RSPO4: variants seen among roughly 807,000 people sequenced by gnomAD.
RSPO4 encodes R-spondin 4.
In RSPO4, 23 loss-of-function variants were observed where a neutral mutation model predicts 24.8. The observed-to-expected ratio is 0.93, with a 90% CI of 0.67 to 1.31. The LOEUF is 1.31. Ranked by LOEUF, RSPO4 falls within the 40% of genes most tolerant of loss-of-function variation. The pLI, the probability that RSPO4 is intolerant of heterozygous loss-of-function variation, is 0.00. For synonymous variants in RSPO4, 141 were observed against 127.4 expected (o/e 1.11, Z -0.72); for missense variants, 333 against 316.5 (o/e 1.05, Z -0.39).
rs1395425851 is a variant in RSPO4 at position 981,272 on chromosome 20, C to A, written c.80-13134G>T. Among the ~76,000 whole-genome samples the A allele has an allele frequency of 6.6e-6, 1 of 152,218 alleles. No homozygotes were observed. Among genetic ancestry groups the A allele is most frequent in the African/African-American group, 2.4e-5 (1 of 41,452 alleles). On this transcript the variant is annotated intron_variant, in intron 1 of 4. Coordinates refer to ENST00000217260, the MANE Select transcript of RSPO4 (RefSeq NM_001029871.4). This position sits in a 1 kb window ranked among gnomAD's most constrained non-coding sequence, Gnocchi z 4.6. ...AGGCACAGTGGCTCACGCCTGTAAT[C>A]CCAGCACTTAGGGAGGCTGAGGCAG...
intron 1 of RSPO4, among the ~76,000 whole-genome samples, chr20:987,925 G>C (rs963178371): frequency 2.0e-5 from 3 of 152,274 alleles, no homozygotes; most frequent in Admixed American, 6.5e-5. Context: ...GAATGAGACA[G>C]ACCTTCCCCT....
At chr20:997,169 A>C (rs957233553) in intron 1 of RSPO4, among the ~76,000 whole-genome samples, 13 of 152,200 alleles carry the variant, frequency 8.5e-5, no homozygotes, top group African/African-American at 2.9e-4. Flanking sequence ...CCCCACCTGC[A>C]CAGCTCCTGG....
rs377200892 is a variant in RSPO4, at chr20:960,421, C to A, written c.641G>T (p.Arg214Leu). 6 of 1,539,614 alleles carry A rather than the reference C, an allele frequency of 3.9e-6. No individual in the cohort carries two copies. The highest frequency in any genetic ancestry group is 5.2e-6 in the Non-Finnish European group (6 of 1,147,526). Reference sequence around the variant, plus strand: ...CCTGCGGTCCAGCTTCCTGTCCTTGCGTGGGCGCCGGTCCTTCCTGCCCTT... The same window carrying A: ...CCTGCGGTCCAGCTTCCTGTCCTTGAGTGGGCGCCGGTCCTTCCTGCCCTT... ...QKKGRKDRRP[R>L]KDRKLDRRLD... Residue 214 changes from arginine (R) to leucine (L), a missense_variant, in exon 5 of 5, where the codon CGC becomes CTC. By Grantham distance (102) the Arg-to-Leu change is moderately radical (BLOSUM62 -2). Transcript: ENST00000217260.
intron 3 of RSPO4, among the ~76,000 whole-genome samples, chr20:965,409 G>A (rs1266678443): frequency 1.3e-5 from 2 of 152,206 alleles, no homozygotes; most frequent in African/African-American, 4.8e-5. Context: ...AAAATGATGG[G>A]GGTGGAAAGG....
chr20:995,025 C>T (rs573626834), intron 1 of RSPO4, among the ~76,000 whole-genome samples: 2 of 152,322 alleles, frequency 1.3e-5, no homozygotes, highest in East Asian at 1.9e-4. Flanking sequence ...TTGCCTTCAC[C>T]GCTAGTCTCC....
At chr20:971,013 T>C (rs1984388656) in intron 1 of RSPO4, among the ~76,000 whole-genome samples, 2 of 152,158 alleles carry the variant, frequency 1.3e-5, no homozygotes, top group Non-Finnish European at 2.9e-5. Flanking sequence ...AAGATAATTT[T>C]TTAAAAACTT....
At chr20:982,836 G>A (rs1984783019) in intron 1 of RSPO4, among the ~76,000 whole-genome samples, 1 of 152,218 alleles carries the variant, frequency 6.6e-6, no homozygotes, top group Admixed American at 6.5e-5. Flanking sequence ...ATTCCTCAGG[G>A]CTCTTGATGG....
chr20:967,156 G>T lies in RSPO4; in HGVS notation c.409+18C>A, dbSNP rs150554763. 6.2e-7 allele frequency: 1 copy of T among 1,610,864 alleles called. No individual in the cohort carries two copies. Among genetic ancestry groups the T allele is most frequent in the Non-Finnish European group, 8.5e-7 (1 of 1,178,796 alleles). ...GAGAGGGGAGGGGCAGGGGCAGGGC[G>T]GGGAGGTCCCCACTCACCCTGGCAC... On this transcript the variant is annotated intron_variant, in intron 3 of 4. Transcript: ENST00000217260.
At position 968,125 on chromosome 20, in the gene RSPO4, C is replaced by A. The variant is rs774489748; in HGVS notation, c.93G>T (p.Leu31=). The A allele has an allele frequency of 6.2e-7, 1 of 1,614,058 alleles. No homozygotes were observed. Among genetic ancestry groups the A allele is most frequent in the South Asian group, 1.1e-5 (1 of 91,076 alleles). Residue 31 remains leucine (L), a synonymous_variant, in exon 2 of 5, where the codon CTG becomes CTT. Transcript: ENST00000217260. ...NRRKKQVGTG[L]GGNCTGCIIC... ...TGATACAGCCTGTGCAGTTGCCCCC[C>A]AGGCCAGTGCCCACTGCCCACAAGA...
chr20:996,155 C>T (rs1268696743), intron 1 of RSPO4, among the ~76,000 whole-genome samples: 1 of 152,150 alleles, frequency 6.6e-6, no homozygotes, highest in African/African-American at 2.4e-5. Flanking sequence ...TATTTACTAT[C>T]TGACCCTTCG....
rs573708172 is a variant in RSPO4 at position 966,902 on chromosome 20, CTCT to C, written c.409+269_409+271del. On this transcript the variant is annotated intron_variant, in intron 3 of 4. Coordinates refer to ENST00000217260, the MANE Select transcript of RSPO4 (RefSeq NM_001029871.4). ...ACAAACAAACAAATAAACATCAGCG[CTCT>C]TCTTCTGCACTCTGCTGATTCCCTT... 2.8e-3 allele frequency among the ~76,000 whole-genome samples: 430 copies of C among 152,318 alleles called. 3 individuals are homozygous for C. Among genetic ancestry groups the C allele is most frequent in the Non-Finnish European group, 4.5e-3 (306 of 68,018 alleles).
rs115147427 is a variant in RSPO4 at position 965,525 on chromosome 20, G to T, written c.410-1405C>A. On this transcript the variant is annotated intron_variant, in intron 3 of 4. Coordinates refer to ENST00000217260, the MANE Select transcript of RSPO4 (RefSeq NM_001029871.4). ...AAAAGAAATTGAGCAGACTATCATT[G>T]TGAAATACTCCCTCTGCTGTTGAGT... 4.6e-3 allele frequency among the ~76,000 whole-genome samples: 704 copies of T among 152,360 alleles called. 10 individuals are homozygous for T. Among genetic ancestry groups the T allele is most frequent in the African/African-American group, 0.016 (659 of 41,584 alleles).
chr20:992,529 A>G (rs1257035719), intron 1 of RSPO4, among the ~76,000 whole-genome samples: 1 of 151,768 alleles, frequency 6.6e-6, no homozygotes, highest in Non-Finnish European at 1.5e-5. Flanking sequence ...GAAGAGCCCA[A>G]CCTCTCCCCC....
Position 963,999 on chromosome 20 carries a change from C to A in RSPO4, c.531G>T (p.Glu177Asp), listed in dbSNP as rs1826903914. Residue 177 changes from glutamate (E) to aspartate (D), a missense_variant, in exon 4 of 5, where the codon GAG becomes GAT. Glu to Asp is a conservative substitution (Grantham distance 45). Transcript: ENST00000217260. ...CAGAAAGCACCTGGCAGGTGGCTGC[C>A]TCCTCATGCCCAGCCCGGCCAGCCT... ...VREAGRAGHEEAATCQVLSES... is the reference protein window; with the variant it reads ...VREAGRAGHEDAATCQVLSES... The A allele has an allele frequency of 6.2e-7, 1 of 1,613,948 alleles. No homozygotes were observed. The highest frequency in any genetic ancestry group is 1.3e-5 in the African/African-American group (1 of 75,068).
intron 1 of RSPO4, among the ~76,000 whole-genome samples, chr20:983,653 G>A (rs1447108438): frequency 3.3e-5 from 5 of 152,314 alleles, no homozygotes; most frequent in South Asian, 4.1e-4. Flanking sequence ...TGGTTTTCCC[G>A]TCTGTAAATG....
intron 4 of RSPO4, among the ~76,000 whole-genome samples, chr20:962,356 G>C (rs780326348): frequency 5.3e-5 from 8 of 152,170 alleles, no homozygotes; most frequent in Non-Finnish European, 1.2e-4. Flanking sequence ...GCGAGGATTA[G>C]AGTCATGTTT....
chr20:983,371 T>G (rs192567881), intron 1 of RSPO4, among the ~76,000 whole-genome samples: 1 of 152,344 alleles, frequency 6.6e-6, no homozygotes, highest in East Asian at 1.9e-4. Flanking sequence ...CCTTCCTTTT[T>G]GCAAGATGAA....
chr20:971,749 T>C (rs1401782754), intron 1 of RSPO4, among the ~76,000 whole-genome samples: 1 of 152,224 alleles, frequency 6.6e-6, no homozygotes, highest in African/African-American at 2.4e-5. Flanking sequence ...TTCAGGATCA[T>C]GGCACACAAA....
chr20:974,619 C>T (rs1207176963), intron 1 of RSPO4, among the ~76,000 whole-genome samples: 1 of 152,176 alleles, frequency 6.6e-6, no homozygotes, highest in East Asian at 1.9e-4. Context: ...GCTCACATCC[C>T]CACAAGAGCT....
Sources: allele counts gnomAD v4.1 joint callset (sites outside exome capture counted in the v4.1 genomes callset), GRCh38; gene constraint gnomAD v4.1.1; non-coding constraint Gnocchi (gnomAD v3.1); transcripts MANE v1.5; gene names NCBI Gene and HGNC (gene_info 2026-07-23, HGNC 2026-07-21).